EMILIN2: variants seen among roughly 807,000 people sequenced by gnomAD.
The protein encoded by EMILIN2 is EMILIN-2.
EMILIN2 carries 71 observed loss-of-function variants against 87.1 expected under a neutral mutation model. That is an observed-to-expected ratio of 0.82 (90% CI 0.67 to 0.99). The LOEUF is 0.99. EMILIN2 is among the 50% of genes least tolerant of loss of function. EMILIN2 has a pLI of 0.00. For synonymous variants in EMILIN2, 581 were observed against 563.4 expected (o/e 1.03, Z -0.44); for missense variants, 1,407 against 1,371.8 (o/e 1.03, Z -0.40).
Position 2,913,425 on chromosome 18 carries a change from G to A in EMILIN2, c.*21G>A, listed in dbSNP as rs2076952331. ...TCTAAGGTGGCTGGGGAGATGTCAG[G>A]GGAAAGATAGATAGTTGTAAAAACT... On this transcript the variant is annotated 3_prime_UTR_variant, in exon 8 of 8. Coordinates refer to ENST00000254528, the MANE Select transcript of EMILIN2 (RefSeq NM_032048.3). The A allele has an allele frequency of 2.0e-6, 3 of 1,528,976 alleles. No homozygotes were observed. The highest frequency in any genetic ancestry group is 2.8e-5 in the African/African-American group (2 of 71,894). The allele number at this position is 1,528,976 out of a possible 1,614,324, so 94.7% of individuals were successfully genotyped here.
At position 2,915,009 on chromosome 18, in the gene EMILIN2, C is replaced by T. The variant is rs1231023674; in HGVS notation, c.*1605C>T. ...GTGCAGCAGTGTTTTCAGGAAAACC[C>T]AGTGGGCACGCGCCATCGCCCTCTC... On this transcript the variant is annotated 3_prime_UTR_variant, in exon 8 of 8. Transcript: ENST00000254528. The T allele has an allele frequency of 6.6e-6, 1 of 152,270 alleles. No homozygotes were observed. Among genetic ancestry groups the T allele is most frequent in the Non-Finnish European group, 1.5e-5 (1 of 68,100 alleles). The allele number at this position is 152,270 out of a possible 1,614,324, so 9.4% of individuals were successfully genotyped here.
rs762335562 is a variant in EMILIN2, at chr18:2,894,252, G to T, written c.2359+1766G>T. 3.3e-5 allele frequency among the ~76,000 whole-genome samples: 5 copies of T among 152,112 alleles called. No individual in the cohort carries two copies. The highest frequency in any genetic ancestry group is 2.6e-4 in the Admixed American group (4 of 15,270). On this transcript the variant is annotated intron_variant, in intron 4 of 7. Transcript: ENST00000254528. The surrounding 1 kb of genome is among the most constrained non-coding windows in gnomAD (Gnocchi z 5.0). Reference sequence around the variant, plus strand: ...CCTGGCAGCTCAGGAGGGTGGAGAGGGTCCGAGGTAGGTGGGAAAATGCCC... The same window carrying T: ...CCTGGCAGCTCAGGAGGGTGGAGAGTGTCCGAGGTAGGTGGGAAAATGCCC...
At chr18:2,877,987 T>C (rs1239808700) in intron 2 of EMILIN2, among the ~76,000 whole-genome samples, 5 of 152,100 alleles carry the variant, frequency 3.3e-5, no homozygotes, top group Admixed American at 6.6e-5. Context: ...TCAAATGAGG[T>C]ATAAGAGTCA....
Position 2,887,040 on chromosome 18 carries a change from C to T in EMILIN2, c.433+1901C>T, listed in dbSNP as rs575822129. On this transcript the variant is annotated intron_variant, in intron 3 of 7. Coordinates refer to ENST00000254528, the MANE Select transcript of EMILIN2 (RefSeq NM_032048.3). ...GCCCCTTGCTTTGCTTGAGCATGTC[C>T]TTTAGTAGCTTCATGAGACAATTAC... Among the ~76,000 whole-genome samples the T allele has an allele frequency of 2.6e-3, 403 of 152,280 alleles. 1 individual carries two copies. Among genetic ancestry groups the T allele is most frequent in the Middle Eastern group, 0.014 (4 of 294 alleles).
At chr18:2,885,578 G>A (rs2000906) in intron 3 of EMILIN2, among the ~76,000 whole-genome samples, 19,836 of 152,158 alleles carry the variant, frequency 0.13, 1,482 homozygotes, top group South Asian at 0.3. Flanking sequence ...GAGTGCAGTG[G>A]CGCAATCTCG....
At chr18:2,874,381 T>C (rs753328223) in intron 2 of EMILIN2, among the ~76,000 whole-genome samples, 7 of 152,064 alleles carry the variant, frequency 4.6e-5, no homozygotes, top group Non-Finnish European at 8.8e-5. Flanking sequence ...TGTTGTTGGA[T>C]AGATTCCTGT....
rs1009012629 is a variant in EMILIN2, at chr18:2,848,019, C to T, written c.257+88C>T. On this transcript the variant is annotated intron_variant, in intron 2 of 7. Transcript: ENST00000254528. The surrounding 1 kb of genome is among the most constrained non-coding windows in gnomAD (Gnocchi z 4.1). ...GGGTTGCTGCGCTGGGCTCCAGTCCCTCCGGTAAATCCCTTCCAGATCCGG... is the reference window on the plus strand; with the variant it reads ...GGGTTGCTGCGCTGGGCTCCAGTCCTTCCGGTAAATCCCTTCCAGATCCGG... The T allele has an allele frequency of 7.1e-7, 1 of 1,414,616 alleles. No homozygotes were observed. The highest frequency in any genetic ancestry group is 9.4e-7 in the Non-Finnish European group (1 of 1,068,742). 87.6% of individuals were successfully genotyped at this position (1,414,616 alleles called of 1,614,324 possible). A position where few individuals can be genotyped will look rare whatever the true frequency, so the allele number is the denominator to read the frequency against.
chr18:2,881,538 G>A (rs550696350), intron 2 of EMILIN2, among the ~76,000 whole-genome samples: 144 of 152,312 alleles, frequency 9.5e-4, no homozygotes, highest in African/African-American at 3.1e-3. Context: ...CCTTTCTTCC[G>A]CTCTGGGGCA....
upstream of EMILIN2, chr18:2,846,710 G>T: frequency 1.0e-6 from 1 of 977,828 alleles, no homozygotes; most frequent in Non-Finnish European, 1.2e-6. This position sits in a 1 kb window ranked among gnomAD's most constrained non-coding sequence, Gnocchi z 5.3. Context: ...GACGGCGGCC[G>T]CGTCCCGGGG....
chr18:2,892,929 G>A (rs2076846300), intron 4 of EMILIN2, among the ~76,000 whole-genome samples: 1 of 151,160 alleles, frequency 6.6e-6, no homozygotes. Context: ...GCACGCGCCT[G>A]TAGTCCCAGC....
upstream of EMILIN2, chr18:2,846,730 C>A (rs2076575572): frequency 2.0e-6 from 2 of 984,786 alleles, no homozygotes; most frequent in South Asian, 4.7e-5. The surrounding 1 kb of genome is among the most constrained non-coding windows in gnomAD (Gnocchi z 5.3). Flanking sequence ...GGGCCGGGAG[C>A]GAGCCTGTCG....
intron 4 of EMILIN2, 65 bp downstream of exon 4, chr18:2,892,551 T>C: frequency 6.7e-7 from 1 of 1,501,070 alleles, no homozygotes; most frequent in Non-Finnish European, 8.8e-7. Flanking sequence ...ATTTTAAAAA[T>C]AATTTTTTGT....
chr18:2,903,958 C>T (rs2076899064), intron 4 of EMILIN2, among the ~76,000 whole-genome samples: 1 of 152,138 alleles, frequency 6.6e-6, no homozygotes, highest in Non-Finnish European at 1.5e-5. Context: ...ATGGTTTACT[C>T]CCTTGTTTCA....
In EMILIN2 at chr18:2,848,119, T is replaced by C. The variant is rs760887267; in HGVS notation, c.257+188T>C. ...CACGCTGGGCTATTTAGGGAGTGGGTGCTGCCCGAGTGAGTGGGGAGGATG... is the reference window on the plus strand; with the variant it reads ...CACGCTGGGCTATTTAGGGAGTGGGCGCTGCCCGAGTGAGTGGGGAGGATG... On this transcript the variant is annotated intron_variant, in intron 2 of 7. Coordinates refer to ENST00000254528, the MANE Select transcript of EMILIN2 (RefSeq NM_032048.3). This position sits in a 1 kb window ranked among gnomAD's most constrained non-coding sequence, Gnocchi z 4.1. Among the ~76,000 whole-genome samples, 6 of 152,144 alleles carry C rather than the reference T, an allele frequency of 3.9e-5. No homozygotes were observed. Among genetic ancestry groups the C allele is most frequent in the Non-Finnish European group, 7.4e-5 (5 of 68,008 alleles).
At position 2,891,162 on chromosome 18, in the gene EMILIN2, G is replaced by A. The variant is rs1357448926; in HGVS notation, c.1035G>A (p.Glu345=). The A allele has an allele frequency of 1.2e-6, 2 of 1,614,108 alleles. No homozygotes were observed. The highest frequency in any genetic ancestry group is 1.7e-6 in the Non-Finnish European group (2 of 1,180,052). Reference sequence around the variant, plus strand: ...TGGCTGACCTGAAAAACTCATGTGAGTACAAGCTCACTGGCCTCCAGCAGC... The same window carrying A: ...TGGCTGACCTGAAAAACTCATGTGAATACAAGCTCACTGGCCTCCAGCAGC... The part of the protein sequence containing the change: ...RKLADLKNSC[E]YKLTGLQQQC... Residue 345 remains glutamate (E), a synonymous_variant, in exon 4 of 8, where the codon GAG becomes GAA. Transcript: ENST00000254528. The surrounding 1 kb of genome is among the most constrained non-coding windows in gnomAD (Gnocchi z 4.6).
In EMILIN2 at chr18:2,913,648, T is replaced by TTTTACA; in HGVS notation, c.*244_*245insTTTACA. On this transcript the variant is annotated 3_prime_UTR_variant, in exon 8 of 8. Coordinates refer to ENST00000254528, the MANE Select transcript of EMILIN2 (RefSeq NM_032048.3). ...ACTCTAACTGGACAACTGGAAGACT[T>TTTTACA]GGAAAGGCCTCCACCTGTATCTACA... The TTTTACA allele has an allele frequency of 4.2e-6, 2 of 479,934 alleles. No homozygotes were observed. Among genetic ancestry groups the TTTTACA allele is most frequent in the Non-Finnish European group, 7.4e-6 (2 of 270,902 alleles). 29.7% of individuals were successfully genotyped at this position (479,934 alleles called of 1,614,324 possible).
In EMILIN2 at chr18:2,915,878, A is replaced by G. The variant is rs1474060052; in HGVS notation, c.*2474A>G. On this transcript the variant is annotated 3_prime_UTR_variant, in exon 8 of 8. Transcript: ENST00000254528. Reference sequence around the variant, plus strand: ...CTGAGAAAAGGTCAGGACACTTCTTAAGTAGAGAAGGACTGTGACATCCCC... The same window carrying G: ...CTGAGAAAAGGTCAGGACACTTCTTGAGTAGAGAAGGACTGTGACATCCCC... 1.3e-5 allele frequency: 2 copies of G among 152,244 alleles called. No individual in the cohort carries two copies. Among genetic ancestry groups the G allele is most frequent in the Non-Finnish European group, 2.9e-5 (2 of 68,056 alleles). 9.4% of individuals were successfully genotyped at this position (152,244 alleles called of 1,614,324 possible). A position where few individuals can be genotyped will look rare whatever the true frequency, so the allele number is the denominator to read the frequency against.
chr18:2,853,576 GT>G (rs1182795685), intron 2 of EMILIN2, among the ~76,000 whole-genome samples: 2 of 152,178 alleles, frequency 1.3e-5, no homozygotes, highest in African/African-American at 4.8e-5. Flanking sequence ...GCCCTGCCAT[GT>G]TCATTGTTTT....
In EMILIN2 at chr18:2,891,420, C is replaced by T. The variant is rs757836762; in HGVS notation, c.1293C>T (p.Asp431=). ...EATRMLNGRL[D]NEFDRLIVPE... ...CCAGAATGCTGAATGGAAGACTGGA[C>T]AATGAGTTTGACCGCCTTATAGTTC... Residue 431 remains aspartate, a synonymous_variant, in exon 4 of 8, where the codon GAC becomes GAT. Coordinates refer to ENST00000254528, the MANE Select transcript of EMILIN2 (RefSeq NM_032048.3). This position sits in a 1 kb window ranked among gnomAD's most constrained non-coding sequence, Gnocchi z 4.6. 1 of 1,614,178 alleles carries T rather than the reference C, an allele frequency of 6.2e-7. No homozygotes were observed. Among genetic ancestry groups the T allele is most frequent in the South Asian group, 1.1e-5 (1 of 91,086 alleles).
Sources: gnomAD v4.1 joint callset for allele counts (sites outside exome capture counted in the v4.1 genomes callset) on GRCh38, gnomAD v4.1.1 for gene constraint, Gnocchi (gnomAD v3.1) non-coding constraint, MANE v1.5 for transcripts, NCBI Gene and HGNC (gene_info 2026-07-23, HGNC 2026-07-21) for gene names.